CORO7: variants seen among roughly 807,000 people sequenced by gnomAD.
CORO7 encodes the protein coronin-7.
In CORO7, 107 loss-of-function variants were observed where a neutral mutation model predicts 126.6. The observed-to-expected ratio is 0.85, with a 90% CI of 0.72 to 0.99. The LOEUF (loss-of-function observed/expected upper bound fraction) is 0.99, where lower values mean the gene tolerates loss of function less well. Ranked by LOEUF, CORO7 falls within the 50% of genes least tolerant of loss-of-function variation. The pLI is 0.00. For missense variants in CORO7, 1,314 were observed against 1,255.8 expected (o/e 1.05, Z -0.70); for synonymous variants, 603 against 536.8 (o/e 1.12, Z -1.70).
chr16:4,373,628 C>T (rs2054611082), intron 9 of CORO7, among the ~76,000 whole-genome samples: 1 of 152,140 alleles, frequency 6.6e-6, no homozygotes, highest in Admixed American at 6.5e-5. Context: ...GGAGATGGGT[C>T]CGCGGCTCCT....
chr16:4,383,483 G>T (rs1354604610), intron 9 of CORO7: 1 of 167,080 alleles, frequency 6.0e-6, no homozygotes, highest in Non-Finnish European at 1.5e-5. Flanking sequence ...GACAAACGAT[G>T]ATATGAAGGC....
At chr16:4,391,758 C>G (rs774722563) in intron 7 of CORO7, among the ~76,000 whole-genome samples, 1 of 152,216 alleles carries the variant, frequency 6.6e-6, no homozygotes, top group Non-Finnish European at 1.5e-5. Context: ...AGAGAAGAGC[C>G]GTCTCCCCAG....
At chr16:4,413,563 G>T in intron 1 of CORO7, 159 bp from the exon 2 acceptor site, 2 of 629,516 alleles carry the variant, frequency 3.2e-6, no homozygotes, top group Non-Finnish European at 5.2e-6. Context: ...TTTGAGACAG[G>T]GTCTCACTCT....
rs1274798822 is a variant in CORO7, at chr16:4,361,221, C to T, written c.1715G>A (p.Trp572Ter). 1 of 1,612,738 alleles carries T rather than the reference C, an allele frequency of 6.2e-7. No homozygotes were observed. Residue 572 changes from tryptophan (W) to a stop codon, truncating the protein, a stop_gained, in exon 18 of 28, where the codon TGG (tryptophan) becomes TAG (stop). Coordinates refer to ENST00000251166, the MANE Select transcript of CORO7 (RefSeq NM_024535.5). LOFTEE classifies it high-confidence loss of function. ...TTCCAGGCCCTCTGCGGGTACCCGC[C>T]ACAGTCGGATCCTGGCGTCCTCACC... Reference protein sequence around the residue: ...VAGEDARIRLWRVPAEGLEEV... With the variant: ...VAGEDARIRL
intron 13 of CORO7, 61 bp downstream of exon 13, chr16:4,364,536 G>A: frequency 6.6e-7 from 1 of 1,519,122 alleles, no homozygotes; most frequent in Non-Finnish European, 8.9e-7. Context: ...TTGGCACACA[G>A]CCACACGGGG....
At position 4,359,694 on chromosome 16, in the gene CORO7, C is replaced by T. The variant is rs553006211; in HGVS notation, c.2109-73G>A. On this transcript the variant is annotated intron_variant, in intron 21 of 27. Coordinates refer to ENST00000251166, the MANE Select transcript of CORO7 (RefSeq NM_024535.5). ...GCCTGGGGCAGGGAGAAGGCGCCCA[C>T]GTAGCCCCTGCTCTGTTCTGGGTTG... 6.8e-5 allele frequency: 103 copies of T among 1,515,726 alleles called. No individual in the cohort carries two copies. In the South Asian group the frequency reaches 1.0e-3, roughly 15 times the overall value. The allele number at this position is 1,515,726 out of a possible 1,614,324, so 93.9% of individuals were successfully genotyped here.
chr16:4,356,110 T>C (rs987789382), intron 26 of CORO7, among the ~76,000 whole-genome samples: 4 of 152,076 alleles, frequency 2.6e-5, no homozygotes, highest in African/African-American at 9.7e-5. Context: ...TGCGCCACCA[T>C]GCCCGGCTAA....
chr16:4,413,681 G>A (rs1299925643), intron 1 of CORO7, among the ~76,000 whole-genome samples: 1 of 151,972 alleles, frequency 6.6e-6, no homozygotes, highest in Non-Finnish European at 1.5e-5. Context: ...GGGATTACAG[G>A]CGCCCAACAC....
rs748084320 is a variant in CORO7 at position 4,358,098 on chromosome 16, C to A, written c.2463G>T (p.Glu821Asp). The part of the protein sequence containing the change: ...VAFRLPRVRK[E>D]FFQDDVFPDT... ...CTGGGAACACGTCATCCTGGAAGAACTCTTTCTGCAGAGGGAGAAACGGGC... is the reference window on the plus strand; with the variant it reads ...CTGGGAACACGTCATCCTGGAAGAAATCTTTCTGCAGAGGGAGAAACGGGC... The change falls in exon 25 of 28, where the codon GAG (glutamate) becomes GAT (aspartate). Residue 821 changes from glutamate (E) to aspartate (D), a missense_variant. Glu to Asp is a conservative substitution (Grantham distance 45). Transcript: ENST00000251166. 1 of 1,611,774 alleles carries A rather than the reference C, an allele frequency of 6.2e-7. No homozygotes were observed. The highest frequency in any genetic ancestry group is 8.5e-7 in the Non-Finnish European group (1 of 1,178,420).
chr16:4,414,872 C>T (rs1014980899), intron 1 of CORO7, among the ~76,000 whole-genome samples: 1 of 151,890 alleles, frequency 6.6e-6, no homozygotes, highest in African/African-American at 2.4e-5. Context: ...TTGTTTTTTT[C>T]TTTTTTTGAG....
At chr16:4,370,862 G>C (rs1418057454) in intron 9 of CORO7, among the ~76,000 whole-genome samples, 1 of 152,248 alleles carries the variant, frequency 6.6e-6, no homozygotes, top group Non-Finnish European at 1.5e-5. Context: ...TTGGCTACAG[G>C]CCGGGCTGGA....
chr16:4,386,417 G>A (rs1169360606), intron 9 of CORO7, among the ~76,000 whole-genome samples: 1 of 152,174 alleles, frequency 6.6e-6, no homozygotes, highest in African/African-American at 2.4e-5. Context: ...AGTGACTGGT[G>A]CCAGGTCCCT....
chr16:4,388,398 T>C (rs2055269368), intron 8 of CORO7, 147 bp downstream of exon 8: 1 of 903,666 alleles, frequency 1.1e-6, no homozygotes. Context: ...CCTGAGGCTC[T>C]GAGACCCGGC....
intron 14 of CORO7, among the ~76,000 whole-genome samples, chr16:4,363,939 A>C (rs923053428): frequency 3.4e-4 from 51 of 152,234 alleles, no homozygotes; most frequent in Admixed American, 3.9e-4. Flanking sequence ...GAATCACTTG[A>C]ACCCAAGAGG....
chr16:4,382,019 G>A (rs1444478616), intron 9 of CORO7: 1 of 1,602,528 alleles, frequency 6.2e-7, no homozygotes, highest in East Asian at 2.2e-5. Context: ...ACCTGGCTTA[G>A]CCCCACAGAG....
At position 4,357,244 on chromosome 16, in the gene CORO7, CG is replaced by C. The variant is rs746102488; in HGVS notation, c.2608del (p.Arg870GlufsTer28). ...TGGGGCCCGACGAGCAGGGGCCTCT[CG>C]GGGGGCTTGGCTCACTGGGACAGAG... ...PDMSPVSQAP[R>X]EAPARRAPSS... On this transcript the variant is annotated frameshift_variant, in exon 26 of 28. Transcript: ENST00000251166. LOFTEE classifies it high-confidence loss of function. 3 of 1,613,206 alleles carry C rather than the reference CG, an allele frequency of 1.9e-6. No homozygotes were observed. The highest frequency in any genetic ancestry group is 2.5e-6 in the Non-Finnish European group (3 of 1,179,750).
At chr16:4,387,906 G>A in intron 9 of CORO7, 80 bp downstream of exon 9, 1 of 1,562,676 alleles carries the variant, frequency 6.4e-7, no homozygotes, top group South Asian at 1.1e-5. Flanking sequence ...CCGCCTCACT[G>A]ACAGGCCGGA....
chr16:4,408,001 C>A (rs1296891189), intron 4 of CORO7, among the ~76,000 whole-genome samples, 180 bp downstream of exon 4: 1 of 152,186 alleles, frequency 6.6e-6, no homozygotes, highest in African/African-American at 2.4e-5. Flanking sequence ...AGCCACGGCT[C>A]CAAGCAAGCC....
Position 4,359,462 on chromosome 16 carries a change from C to T in CORO7, c.2250+18G>A, listed in dbSNP as rs1193870900. 1 of 1,613,500 alleles carries T rather than the reference C, an allele frequency of 6.2e-7. No individual in the cohort carries two copies. Among genetic ancestry groups the T allele is most frequent in the South Asian group, 1.1e-5 (1 of 91,086 alleles). Reference sequence around the variant, plus strand: ...CCACCACCTCTCACCTGCCATCCCGCCCTCCAGCCCAGCCCACCTTGCCGG... The same window carrying T: ...CCACCACCTCTCACCTGCCATCCCGTCCTCCAGCCCAGCCCACCTTGCCGG... On this transcript the variant is annotated intron_variant, in intron 22 of 27. Transcript: ENST00000251166.
Sources: allele counts gnomAD v4.1 joint callset (sites outside exome capture counted in the v4.1 genomes callset), GRCh38; gene constraint gnomAD v4.1.1; transcripts MANE v1.5; gene names NCBI Gene and HGNC (gene_info 2026-07-23, HGNC 2026-07-21).